The following CD6 variants were observed in gnomAD, a reference collection of about 807,000 sequenced individuals.
The protein encoded by CD6 is CD6 molecule.
Under a neutral mutation model 75.3 loss-of-function variants are expected in CD6, and 53 were observed. The observed-to-expected ratio is 0.70, with a 90% CI of 0.56 to 0.88. The LOEUF is 0.88. Ranked by LOEUF, CD6 falls within the 40% of genes least tolerant of loss-of-function variation. CD6 has a pLI of 0.00. For synonymous variants in CD6, 359 were observed against 381.5 expected (o/e 0.94, Z 0.69); for missense variants, 770 against 897.1 (o/e 0.86, Z 1.81).
At chr11:61,006,497 C>T (rs1032129242) in intron 1 of CD6, 77 bp from the exon 2 acceptor site, 3 of 1,228,790 alleles carry the variant, frequency 2.4e-6, no homozygotes, top group African/African-American at 3.0e-5. Flanking sequence ...AGGAAGTGCC[C>T]CCTGCTCATC....
chr11:60,991,943 C>G (rs1274682666), intron 1 of CD6, among the ~76,000 whole-genome samples: 1 of 151,940 alleles, frequency 6.6e-6, no homozygotes, highest in African/African-American at 2.4e-5. Flanking sequence ...AGTGCAGTGG[C>G]ACCATCTTGG....
chr11:61,001,198 CTTT>C (rs143567183), intron 1 of CD6, among the ~76,000 whole-genome samples: 2 of 110,332 alleles, frequency 1.8e-5, no homozygotes, highest in Admixed American at 1.1e-4. Context: ...GATGATGTGT[CTTT>C]TTTTTTTTTT....
Position 61,009,536 on chromosome 11 carries a change from T to C in CD6, c.782-36T>C, listed in dbSNP as rs771433997. 4 of 1,539,226 alleles carry C rather than the reference T, an allele frequency of 2.6e-6. No homozygotes were observed. In the East Asian group the frequency reaches 9.2e-5, roughly 35 times the overall value. ...TGGCGGGAATTTCTGCCCAAAGGAT[T>C]CTGACCTGACTCTGTCCCCTGCCCC... On this transcript the variant is annotated intron_variant, in intron 4 of 12. Transcript: ENST00000313421.
At chr11:61,004,285 TC>T in intron 1 of CD6, 1 of 148,800 alleles carries the variant, frequency 6.7e-6, no homozygotes, top group Non-Finnish European at 1.5e-5. Flanking sequence ...TCAATCCCCC[TC>T]CCCCACCCCA....
At chr11:60,977,859 A>C (rs1355863820) in intron 1 of CD6, among the ~76,000 whole-genome samples, 1 of 151,798 alleles carries the variant, frequency 6.6e-6, no homozygotes, top group Non-Finnish European at 1.5e-5. Flanking sequence ...TTTATATATC[A>C]CTCCCTTAAA....
At position 61,019,631 on chromosome 11, in the gene CD6, G is replaced by A. The variant is rs1031055284; in HGVS notation, c.*313G>A. 14 of 319,480 alleles carry A rather than the reference G, an allele frequency of 4.4e-5. No individual in the cohort carries two copies. The highest frequency in any genetic ancestry group is 1.7e-3 in the Middle Eastern group (2 of 1,204). The allele number at this position is 319,480 out of a possible 1,614,324, so 19.8% of individuals were successfully genotyped here. On this transcript the variant is annotated 3_prime_UTR_variant, in exon 13 of 13. Coordinates refer to ENST00000313421, the MANE Select transcript of CD6 (RefSeq NM_006725.5). ...ACCTCTTGACAGCTGGTGGAGGGGA[G>A]TTGGGGAGCTGGACTGGATGACTCT...
intron 1 of CD6, among the ~76,000 whole-genome samples, chr11:60,986,995 G>T (rs1857844471): frequency 1.3e-5 from 2 of 152,176 alleles, no homozygotes; most frequent in East Asian, 1.9e-4. Flanking sequence ...GGGTGAGGTG[G>T]CACGCGCCTG....
chr11:60,997,908 A>G (rs1360078405), intron 1 of CD6, among the ~76,000 whole-genome samples: 2 of 152,222 alleles, frequency 1.3e-5, no homozygotes, highest in Non-Finnish European at 2.9e-5. Context: ...TGTACTGGAC[A>G]ACACAGCACC....
Position 61,015,764 on chromosome 11 carries a change from C to T in CD6, c.1439C>T (p.Ser480Phe), listed in dbSNP as rs1167779542. 1 of 1,614,106 alleles carries T rather than the reference C, an allele frequency of 6.2e-7. No individual in the cohort carries two copies. The highest frequency in any genetic ancestry group is 8.5e-7 in the Non-Finnish European group (1 of 1,180,046). ...GCCCCGCCCCCTGAGGACTCAGACT[C>T]TGGCTCGGACTCAGACTATGAGCAC... ...VQAPPPEDSD[S>F]GSDSDYEHYD... Residue 480 changes from serine to phenylalanine, a missense_variant, in exon 9 of 13, where the codon TCT becomes TTT. Coordinates refer to ENST00000313421, the MANE Select transcript of CD6 (RefSeq NM_006725.5).
intron 1 of CD6, among the ~76,000 whole-genome samples, chr11:60,983,041 G>A (rs2135028896): frequency 6.6e-6 from 1 of 151,888 alleles, no homozygotes; most frequent in African/African-American, 2.4e-5. Flanking sequence ...ACTCTGCCCA[G>A]CCCCTCCAAC....
At chr11:61,014,146 G>A (rs956977989) in intron 8 of CD6, 132 bp downstream of exon 8, 11 of 632,058 alleles carry the variant, frequency 1.7e-5, no homozygotes, top group South Asian at 4.5e-5. Context: ...GCCCACTCCC[G>A]GCCCTGGGAC....
Position 61,007,813 on chromosome 11 carries a change from G to T in CD6, c.372G>T (p.Ala124=). The T allele has an allele frequency of 6.8e-7, 1 of 1,470,228 alleles. No homozygotes were observed. The highest frequency in any genetic ancestry group is 9.0e-7 in the Non-Finnish European group (1 of 1,115,174). The allele number at this position is 1,470,228 out of a possible 1,614,324, so 91.1% of individuals were successfully genotyped here. A position where few individuals can be genotyped will look rare whatever the true frequency, so the allele number is the denominator to read the frequency against. ...CAGCTAATGCCACTCTGGCCGGGGCGCCCGCCCTCCTGTGCAGCGGCGCCG... is the reference window on the plus strand; with the variant it reads ...CAGCTAATGCCACTCTGGCCGGGGCTCCCGCCCTCCTGTGCAGCGGCGCCG... ...SVAANATLAG[A]PALLCSGAEW... is the part of the protein sequence containing the mutation. The change falls in exon 3 of 13, where the codon GCG becomes GCT. Residue 124 remains alanine (A), a synonymous_variant. Transcript: ENST00000313421. This position sits in a 1 kb window ranked among gnomAD's most constrained non-coding sequence, Gnocchi z 4.2.
intron 1 of CD6, among the ~76,000 whole-genome samples, chr11:60,975,638 A>C (rs1857335461): frequency 6.6e-6 from 1 of 152,130 alleles, no homozygotes; most frequent in African/African-American, 2.4e-5. Context: ...CCGTATCTCC[A>C]AAAAATACAA....
intron 1 of CD6, among the ~76,000 whole-genome samples, chr11:61,000,057 CAAAATA>C (rs902977223): frequency 3.3e-5 from 5 of 151,230 alleles, no homozygotes; most frequent in Admixed American, 6.6e-5. Context: ...GACTCTATGG[CAAAATA>C]AAAATAAAAA....
chr11:61,007,730 C>G lies in CD6; in HGVS notation c.289C>G (p.Leu97Val), dbSNP rs1316051498. 2.1e-6 allele frequency: 3 copies of G among 1,406,370 alleles called. No homozygotes were observed. In the Admixed American group the frequency reaches 9.8e-5, roughly 46 times the overall value. 87.1% of individuals were successfully genotyped at this position (1,406,370 alleles called of 1,614,324 possible). The change falls in exon 3 of 13, where the codon CTC (leucine) becomes GTC (valine). Residue 97 changes from leucine (L) to valine (V), a missense_variant. By Grantham distance (32) the Leu-to-Val change is conservative. Transcript: ENST00000313421. This position sits in a 1 kb window ranked among gnomAD's most constrained non-coding sequence, Gnocchi z 4.2. ...GCGGAEAASQ[L>V]APPTPELPPP... ...CGGCGGGGCGGAGGCCGCCTCTCAG[C>G]TCGCCCCGCCGACCCCTGAGCTGCC...
rs749773202 is a variant in CD6 at position 61,015,855 on chromosome 11, C to G, written c.1510+20C>G. ...TCTACAGTGAGTGCCTGGCCGGGCTCCCGAGGGCCCACCTACCTGAATCTG... is the reference window on the plus strand; with the variant it reads ...TCTACAGTGAGTGCCTGGCCGGGCTGCCGAGGGCCCACCTACCTGAATCTG... On this transcript the variant is annotated intron_variant, in intron 9 of 12. Transcript: ENST00000313421. 7 of 1,613,250 alleles carry G rather than the reference C, an allele frequency of 4.3e-6. No homozygotes were observed. The highest frequency in any genetic ancestry group is 5.9e-6 in the Non-Finnish European group (7 of 1,179,680).
chr11:60,992,628 G>C (rs942701375), intron 1 of CD6, among the ~76,000 whole-genome samples: 3 of 151,978 alleles, frequency 2.0e-5, no homozygotes, highest in Non-Finnish European at 1.5e-5. Context: ...AGGAGTTCAA[G>C]ACCAGCCTGG....
At chr11:60,991,181 A>C (rs1858052072) in intron 1 of CD6, among the ~76,000 whole-genome samples, 1 of 88,688 alleles carries the variant, frequency 1.1e-5, no homozygotes. Context: ...ACGGAGTTTC[A>C]CTCTTGTTGT....
In CD6 at chr11:61,020,263, C is replaced by T. The variant is rs897260997; in HGVS notation, c.*945C>T. The T allele has an allele frequency of 1.3e-5, 5 of 398,868 alleles. No homozygotes were observed. The highest frequency in any genetic ancestry group is 2.2e-5 in the Non-Finnish European group (5 of 226,086). The allele number at this position is 398,868 out of a possible 1,614,324, so 24.7% of individuals were successfully genotyped here. A position where few individuals can be genotyped will look rare whatever the true frequency, so the allele number is the denominator to read the frequency against. On this transcript the variant is annotated 3_prime_UTR_variant, in exon 13 of 13. Coordinates refer to ENST00000313421, the MANE Select transcript of CD6 (RefSeq NM_006725.5). Reference sequence around the variant, plus strand: ...AGGGATGCGTGACTATGTGGTGTTGCACCCGGGGCTGCAAACGTCTCCGTG... The same window carrying T: ...AGGGATGCGTGACTATGTGGTGTTGTACCCGGGGCTGCAAACGTCTCCGTG...
Sources: gnomAD v4.1 joint callset for allele counts (sites outside exome capture counted in the v4.1 genomes callset) on GRCh38, gnomAD v4.1.1 for gene constraint, Gnocchi (gnomAD v3.1) non-coding constraint, MANE v1.5 for transcripts, NCBI Gene and HGNC (gene_info 2026-07-23, HGNC 2026-07-21) for gene names.